Variants in GNA14 observed in about 807,000 individuals in gnomAD.
The protein encoded by GNA14 is G protein subunit alpha 14, also known as guanine nucleotide-binding protein subunit alpha-14.
In GNA14, 50 loss-of-function variants were observed where a neutral mutation model predicts 42.0. The ratio of observed to expected loss-of-function variants is 1.19; its 90% confidence interval spans 0.95 to 1.51. The LOEUF (loss-of-function observed/expected upper bound fraction) is 1.51, where lower values mean the gene tolerates loss of function less well. Among genes scored for constraint, GNA14 ranks in the 40% most tolerant of loss-of-function variants. The probability of loss-of-function intolerance (pLI) is 0.00; values close to 1 mark genes in which losing one functional copy is unlikely to be tolerated. For synonymous variants in GNA14, 173 were observed against 163.1 expected (o/e 1.06, Z -0.46); for missense variants, 473 against 446.2 (o/e 1.06, Z -0.54).
intron 1 of GNA14, among the ~76,000 whole-genome samples, chr9:77,584,652 G>A (rs1035597568): frequency 6.6e-5 from 10 of 152,272 alleles, no homozygotes; most frequent in African/African-American, 2.4e-4. Context: ...AGGGTTCTTG[G>A]ATCTCATGCA....
rs1824384309 is a variant in GNA14 at position 77,647,789 on chromosome 9, G to A, written c.5C>T (p.Ala2Val). 6.2e-7 allele frequency: 1 copy of A among 1,608,016 alleles called. No homozygotes were observed. Among genetic ancestry groups the A allele is most frequent in the Non-Finnish European group, 8.5e-7 (1 of 1,178,596 alleles). MAGCCCLSAEEK... is the reference protein window; with the variant it reads MVGCCCLSAEEK... ...CTCCGCGGACAGGCAGCAGCAGCCG[G>A]CCATGGTGCGCTCAGCTCAGTACCC... The change falls in exon 1 of 7, where the codon GCC becomes GTC. Residue 2 changes from alanine (A) to valine (V), a missense_variant. By Grantham distance (64) the Ala-to-Val change is moderately conservative. Transcript: ENST00000341700.
At chr9:77,600,986 G>A (rs1823551469) in intron 1 of GNA14, among the ~76,000 whole-genome samples, 1 of 152,188 alleles carries the variant, frequency 6.6e-6, no homozygotes, top group African/African-American at 2.4e-5. Flanking sequence ...GGCGGATAAG[G>A]AAAGGGTCGT....
chr9:77,628,561 C>T (rs1736795), intron 1 of GNA14, among the ~76,000 whole-genome samples: 21 of 152,236 alleles, frequency 1.4e-4, no homozygotes, highest in South Asian at 2.1e-4. Flanking sequence ...TGGAACAGAA[C>T]AGAAGCCTCA....
intron 2 of GNA14, among the ~76,000 whole-genome samples, chr9:77,463,016 G>A (rs753448495): frequency 6.6e-6 from 1 of 152,150 alleles, no homozygotes; most frequent in South Asian, 2.1e-4. Context: ...TAAACAACTC[G>A]AGGGTAATAA....
At chr9:77,573,775 A>G (rs1185988003) in intron 1 of GNA14, among the ~76,000 whole-genome samples, 4 of 152,162 alleles carry the variant, frequency 2.6e-5, no homozygotes, top group East Asian at 1.9e-4. Flanking sequence ...CTTTGTTTTT[A>G]TAACTTCTGT....
intron 1 of GNA14, among the ~76,000 whole-genome samples, chr9:77,533,936 C>T (rs1193059512): frequency 6.6e-6 from 1 of 152,228 alleles, no homozygotes; most frequent in African/African-American, 2.4e-5. Context: ...ACGCTTGCTC[C>T]TGGCCTTCCA....
intron 2 of GNA14, among the ~76,000 whole-genome samples, chr9:77,484,551 G>A (rs1315406331): frequency 1.3e-5 from 2 of 152,170 alleles, no homozygotes; most frequent in Non-Finnish European, 2.9e-5. Context: ...GAAAGTAAGA[G>A]TACTACACTT....
chr9:77,472,633 T>C (rs1836351311), intron 2 of GNA14, among the ~76,000 whole-genome samples: 1 of 152,196 alleles, frequency 6.6e-6, no homozygotes, highest in African/African-American at 2.4e-5. Context: ...CTACTGTTAT[T>C]GTGTCACCCT....
chr9:77,450,786 G>C (rs967038280), intron 2 of GNA14, among the ~76,000 whole-genome samples: 2 of 151,958 alleles, frequency 1.3e-5, no homozygotes, highest in African/African-American at 2.4e-5. Context: ...CATGTGTCGT[G>C]GGAGGGAACT....
intron 2 of GNA14, among the ~76,000 whole-genome samples, chr9:77,475,306 G>A (rs1836399076): frequency 6.6e-6 from 1 of 152,110 alleles, no homozygotes; most frequent in Admixed American, 6.5e-5. Context: ...CAGGCTGTGG[G>A]TATATAATGA....
intron 6 of GNA14, among the ~76,000 whole-genome samples, chr9:77,424,527 G>A (rs1361530139): frequency 6.6e-6 from 1 of 152,116 alleles, no homozygotes; most frequent in African/African-American, 2.4e-5. Flanking sequence ...CTGGCCCCAA[G>A]AACCATTTTT....
chr9:77,526,866 G>T (rs991113556), intron 2 of GNA14, among the ~76,000 whole-genome samples: 2 of 152,206 alleles, frequency 1.3e-5, no homozygotes, highest in Non-Finnish European at 1.5e-5. Context: ...GAGAAAAGGA[G>T]ACAGTGGTAG....
intron 1 of GNA14, among the ~76,000 whole-genome samples, chr9:77,636,778 C>T (rs1204813130): frequency 3.3e-5 from 5 of 152,190 alleles, no homozygotes; most frequent in South Asian, 2.1e-4. Context: ...CTAAACACCT[C>T]GCAGCAGGTC....
At position 77,515,993 on chromosome 9, in the gene GNA14, G is replaced by C. The variant is rs150314164; in HGVS notation, c.309+13076C>G. On this transcript the variant is annotated intron_variant, in intron 2 of 6. Transcript: ENST00000341700. Reference sequence around the variant, plus strand: ...AAAAAAAAAAAAAAAACCCAGAGCAGGAAGAGACAGCCATGTAACAGAGTT... The same window carrying C: ...AAAAAAAAAAAAAAAACCCAGAGCACGAAGAGACAGCCATGTAACAGAGTT... Among the ~76,000 whole-genome samples, 705 of 83,602 alleles carry C rather than the reference G, an allele frequency of 8.4e-3. 5 individuals are homozygous for C. The highest frequency in any genetic ancestry group is 0.03 in the African/African-American group (665 of 21,988). The allele number at this position is 83,602 out of a possible 152,430, so 54.8% of individuals were successfully genotyped here.
intron 2 of GNA14, among the ~76,000 whole-genome samples, chr9:77,475,289 C>A (rs536108205): frequency 1.3e-5 from 2 of 152,182 alleles, no homozygotes; most frequent in South Asian, 4.1e-4. Flanking sequence ...TCACCTACGC[C>A]CACAGTCAGG....
At chr9:77,460,277 G>A (rs1264033966) in intron 2 of GNA14, among the ~76,000 whole-genome samples, 8 of 152,212 alleles carry the variant, frequency 5.3e-5, no homozygotes, top group Middle Eastern at 3.2e-3. Context: ...ACAGGGCAGA[G>A]GCCGACGTGA....
At chr9:77,479,482 C>T (rs1217199626) in intron 2 of GNA14, among the ~76,000 whole-genome samples, 1 of 152,142 alleles carries the variant, frequency 6.6e-6, no homozygotes, top group African/African-American at 2.4e-5. Flanking sequence ...GTTCTTTTGG[C>T]TTAGGATTGA....
intron 2 of GNA14, among the ~76,000 whole-genome samples, chr9:77,454,420 C>T (rs907803038): frequency 5.3e-5 from 8 of 152,172 alleles, no homozygotes; most frequent in Non-Finnish European, 1.0e-4. Context: ...TCTTGGCACA[C>T]CTGTTAATTC....
intron 1 of GNA14, among the ~76,000 whole-genome samples, chr9:77,548,458 C>T (rs975275100): frequency 3.9e-5 from 6 of 152,052 alleles, no homozygotes; most frequent in South Asian, 2.1e-4. Context: ...GGAGTGGGGG[C>T]GCACGATTCA....
Sources: allele counts gnomAD v4.1 joint callset (sites outside exome capture counted in the v4.1 genomes callset), GRCh38; gene constraint gnomAD v4.1.1; transcripts MANE v1.5; gene names NCBI Gene and HGNC (gene_info 2026-07-23, HGNC 2026-07-21).